The following R3HDM1 variants were observed in gnomAD, a reference collection of about 807,000 sequenced individuals.
The protein encoded by R3HDM1 is R3H domain containing 1.
R3HDM1 carries 46 observed loss-of-function variants against 141.1 expected under a neutral mutation model. That is an observed-to-expected ratio of 0.33 (90% confidence interval 0.26 to 0.42). The LOEUF (loss-of-function observed/expected upper bound fraction) is 0.42. Ranked by LOEUF, R3HDM1 falls within the 10% of genes least tolerant of loss-of-function variation. The probability of loss-of-function intolerance (pLI) is 1.00; values close to 1 mark genes in which losing one functional copy is unlikely to be tolerated. For missense variants in R3HDM1, 1,184 were observed against 1,368.3 expected (o/e 0.87, Z 2.12); for synonymous variants, 435 against 472.9 (o/e 0.92, Z 1.04).
intron 1 of R3HDM1, among the ~76,000 whole-genome samples, chr2:135,573,642 G>T (rs1018854973): frequency 6.6e-6 from 1 of 151,604 alleles, no homozygotes; most frequent in African/African-American, 2.4e-5. Context: ...AGCTTATAGG[G>T]GAGAAAAAGA....
intron 1 of R3HDM1, among the ~76,000 whole-genome samples, chr2:135,558,410 A>G (rs1417771926): frequency 1.3e-5 from 2 of 152,166 alleles, no homozygotes; most frequent in East Asian, 3.8e-4. Context: ...TTAATTTAAG[A>G]TATTGGGGAG....
intron 21 of R3HDM1, among the ~76,000 whole-genome samples, chr2:135,684,439 A>G (rs1386451667): frequency 6.6e-6 from 1 of 152,212 alleles, no homozygotes; most frequent in Admixed American, 6.5e-5. Context: ...GTATATGTAC[A>G]TAGACATCAT....
In R3HDM1 at chr2:135,722,464, T is replaced by A; in HGVS notation, c.2965-5T>A. 6.2e-7 allele frequency: 1 copy of A among 1,613,608 alleles called. No homozygotes were observed. Among genetic ancestry groups the A allele is most frequent in the Non-Finnish European group, 8.5e-7 (1 of 1,179,920 alleles). ...GTTGTTTCTCAACTATTTGTGGGTTTTCAGGGTCAGCCTGGCAGCAGGCAT... is the reference window on the plus strand; with the variant it reads ...GTTGTTTCTCAACTATTTGTGGGTTATCAGGGTCAGCCTGGCAGCAGGCAT... On this transcript the variant is annotated splice_polypyrimidine_tract_variant and splice_region_variant and intron_variant, in intron 25 of 26. Transcript: ENST00000683871.
At chr2:135,543,170 C>A in intron 1 of R3HDM1, 1 of 806,248 alleles carries the variant, frequency 1.2e-6, no homozygotes, top group Non-Finnish European at 1.5e-6. Flanking sequence ...GATAGGGGTT[C>A]AGATTTATTT....
At chr2:135,687,834 C>G (rs2071616628) in intron 21 of R3HDM1, among the ~76,000 whole-genome samples, 1 of 152,022 alleles carries the variant, frequency 6.6e-6, no homozygotes, top group African/African-American at 2.4e-5. Context: ...AATTTGAAGT[C>G]TACATTTTTA....
rs1365149657 is a variant in R3HDM1, at chr2:135,602,002, G to A, written c.-249-498G>A. On this transcript the variant is annotated intron_variant, in intron 1 of 26. Transcript: ENST00000683871. ...TTTTTTTTTTAGAACAGACAATGTG[G>A]GTTTCATTAAAAATGTTAAATGGCT... is the stretch of plus-strand genomic sequence containing the variant. Among the ~76,000 whole-genome samples the A allele has an allele frequency of 9.3e-5, 14 of 149,962 alleles. No homozygotes were observed. The East Asian group carries it at 2.3e-3, about 25-fold the overall frequency.
chr2:135,633,484 T>C (rs2062925071), intron 9 of R3HDM1, among the ~76,000 whole-genome samples: 1 of 152,198 alleles, frequency 6.6e-6, no homozygotes, highest in Admixed American at 6.5e-5. Flanking sequence ...TTTATCAAGA[T>C]AATCAAAAGC....
intron 9 of R3HDM1, among the ~76,000 whole-genome samples, chr2:135,632,349 A>C (rs2062802420): frequency 6.6e-6 from 1 of 151,698 alleles, no homozygotes. Flanking sequence ...AAAAAAACAC[A>C]AGAGAGAGAG....
intron 1 of R3HDM1, chr2:135,597,155 A>G (rs1463316875): frequency 5.1e-6 from 5 of 977,446 alleles, no homozygotes; most frequent in Non-Finnish European, 6.1e-6. Flanking sequence ...TCAACTACCA[A>G]AAGTCTTTCC....
intron 15 of R3HDM1, among the ~76,000 whole-genome samples, chr2:135,644,863 CCTGAGGTCAGGAGTT>C (rs1198177619): frequency 6.6e-6 from 1 of 152,110 alleles, no homozygotes; most frequent in African/African-American, 2.4e-5. Flanking sequence ...GGACGGATCA[CCTGAGGTCAGGAGTT>C]CAAGACCAGC....
At chr2:135,541,016 G>C (rs1389067273) in intron 1 of R3HDM1, among the ~76,000 whole-genome samples, 1 of 152,008 alleles carries the variant, frequency 6.6e-6, no homozygotes. Context: ...CTGAGCAGTA[G>C]GTGTCAACAG....
At chr2:135,673,859 G>GTTGT (rs1340237033) in intron 19 of R3HDM1, among the ~76,000 whole-genome samples, 2 of 152,034 alleles carry the variant, frequency 1.3e-5, no homozygotes, top group Non-Finnish European at 2.9e-5. Flanking sequence ...TGGTTGGTTG[G>GTTGT]TTGGTTTTGT....
At chr2:135,553,766 A>T (rs565058922) in intron 1 of R3HDM1, among the ~76,000 whole-genome samples, 5 of 152,318 alleles carry the variant, frequency 3.3e-5, no homozygotes, top group Admixed American at 2.6e-4. Flanking sequence ...ATCTCAGCTC[A>T]CTGCAACCTC....
intron 22 of R3HDM1, 25 bp downstream of exon 22, chr2:135,709,561 G>A (rs1346910917): frequency 6.2e-7 from 1 of 1,610,204 alleles, no homozygotes; most frequent in Non-Finnish European, 8.5e-7. Flanking sequence ...GTGAAAATAA[G>A]ATGATTGGTT....
intron 19 of R3HDM1, 48 bp downstream of exon 19, chr2:135,661,441 A>G (rs1003338768): frequency 4.4e-6 from 7 of 1,591,318 alleles, no homozygotes; most frequent in East Asian, 2.2e-5. Context: ...ACTTTTTTCC[A>G]TCTTCTATTT....
At chr2:135,535,332 C>G (rs993336713) in intron 1 of R3HDM1, among the ~76,000 whole-genome samples, 2 of 152,016 alleles carry the variant, frequency 1.3e-5, no homozygotes, top group African/African-American at 4.8e-5. Context: ...AACCCTATCT[C>G]TACTAAAAAT....
At chr2:135,656,905 C>T (rs1002214747) in intron 18 of R3HDM1, among the ~76,000 whole-genome samples, 4 of 151,568 alleles carry the variant, frequency 2.6e-5, no homozygotes, top group Non-Finnish European at 5.9e-5. Context: ...ACCAGCCTGG[C>T]CAACGTGGCG....
chr2:135,654,141 C>G (rs2065482334), intron 18 of R3HDM1, among the ~76,000 whole-genome samples: 1 of 152,072 alleles, frequency 6.6e-6, no homozygotes, highest in African/African-American at 2.4e-5. Flanking sequence ...CTCCATTTCC[C>G]AGCCCCTGGC....
intron 1 of R3HDM1, among the ~76,000 whole-genome samples, chr2:135,565,189 A>G (rs1377217873): frequency 6.6e-6 from 1 of 152,074 alleles, no homozygotes; most frequent in Non-Finnish European, 1.5e-5. Flanking sequence ...TATATTCAGT[A>G]TAAGGCTTTC....
Sources: allele counts gnomAD v4.1 joint callset (sites outside exome capture counted in the v4.1 genomes callset), GRCh38; gene constraint gnomAD v4.1.1; transcripts MANE v1.5; gene names NCBI Gene and HGNC (gene_info 2026-07-23, HGNC 2026-07-21).